The following TRIM71 variants were observed in gnomAD, a reference collection of about 807,000 sequenced individuals.
TRIM71 encodes E3 ubiquitin-protein ligase TRIM71.
A neutral mutation model predicts 61.2 loss-of-function variants in TRIM71; 9 were observed. The ratio of observed to expected loss-of-function variants is 0.15; its 90% CI spans 0.09 to 0.26. The LOEUF is 0.26. Ranked by LOEUF, TRIM71 falls within the 10% of genes least tolerant of loss-of-function variation. The probability of loss-of-function intolerance (pLI) is 1.00; values close to 1 mark genes in which losing one functional copy is unlikely to be tolerated. For missense variants in TRIM71, 998 were observed against 1,238.7 expected, an observed-to-expected ratio of 0.81 and a Z score of 2.92; for synonymous variants, 645 against 553.2, an observed-to-expected ratio of 1.17 and a Z score of -2.33.
intron 1 of TRIM71, among the ~76,000 whole-genome samples, chr3:32,844,874 G>T (rs966606077): frequency 2.6e-5 from 4 of 152,116 alleles, no homozygotes; most frequent in African/African-American, 9.7e-5. Context: ...AAGCCATTCC[G>T]TACTTCCAAA....
intron 1 of TRIM71, among the ~76,000 whole-genome samples, chr3:32,831,027 G>A (rs1476680463): frequency 6.6e-6 from 1 of 152,164 alleles, no homozygotes; most frequent in Non-Finnish European, 1.5e-5. Context: ...GGCCAGGCTG[G>A]TCTCAGGTAA....
chr3:32,831,538 T>C (rs1370601665), intron 1 of TRIM71, among the ~76,000 whole-genome samples: 2 of 19,198 alleles, frequency 1.0e-4, no homozygotes, highest in Non-Finnish European at 3.1e-4. Flanking sequence ...TTATCTTCCT[T>C]TTTTTTTTTT....
At chr3:32,845,516 TTGGGGGTTACTC>T (rs1696460615) in intron 1 of TRIM71, among the ~76,000 whole-genome samples, 1 of 152,130 alleles carries the variant, frequency 6.6e-6, no homozygotes, top group Non-Finnish European at 1.5e-5. Context: ...AGTCTTCAGT[TTGGGGGTTACTC>T]TGGGGGTTAC....
At chr3:32,864,984 C>T (rs1024580128) in intron 1 of TRIM71, among the ~76,000 whole-genome samples, 9 of 151,920 alleles carry the variant, frequency 5.9e-5, no homozygotes, top group African/African-American at 1.9e-4. Flanking sequence ...CCTTTTACCT[C>T]GACCTCTGCC....
intron 1 of TRIM71, among the ~76,000 whole-genome samples, chr3:32,822,545 C>A (rs536169799): frequency 1.6e-4 from 25 of 152,136 alleles, no homozygotes; most frequent in African/African-American, 4.1e-4. Context: ...TATTTTAAGT[C>A]ATATTGTAAA....
At chr3:32,856,610 C>T in intron 1 of TRIM71, among the ~76,000 whole-genome samples, 1 of 152,214 alleles carries the variant, frequency 6.6e-6, no homozygotes, top group East Asian at 1.9e-4. Flanking sequence ...AGTGGAGTCA[C>T]TGGCCTCCTG....
At chr3:32,863,264 G>A (rs916748104) in intron 1 of TRIM71, among the ~76,000 whole-genome samples, 11 of 143,462 alleles carry the variant, frequency 7.7e-5, no homozygotes, top group Middle Eastern at 3.9e-3. Flanking sequence ...GGCTGACTGC[G>A]GTGGTGCATA....
intron 3 of TRIM71, among the ~76,000 whole-genome samples, chr3:32,886,286 G>A (rs1469283480): frequency 2.0e-5 from 3 of 152,208 alleles, no homozygotes; most frequent in South Asian, 2.1e-4. Flanking sequence ...TCAGAAGTAC[G>A]TGGGTAACCA....
At chr3:32,885,322 C>T (rs752669370) in intron 2 of TRIM71, among the ~76,000 whole-genome samples, 4 of 152,192 alleles carry the variant, frequency 2.6e-5, no homozygotes, top group African/African-American at 7.2e-5. Context: ...TGATTTACTA[C>T]GGCTGGTACA....
At chr3:32,867,137 C>T (rs1393796068) in intron 1 of TRIM71, among the ~76,000 whole-genome samples, 1 of 152,078 alleles carries the variant, frequency 6.6e-6, no homozygotes, top group Non-Finnish European at 1.5e-5. Context: ...TCTGACCCCA[C>T]TGCAGATTGT....
intron 1 of TRIM71, 60 bp from the exon 2 acceptor site, chr3:32,873,758 T>C (rs199998622): frequency 6.9e-4 from 957 of 1,395,962 alleles, no homozygotes; most frequent in Non-Finnish European, 8.6e-4. Context: ...CCAGTTGCTG[T>C]CTTCCCTCCT....
chr3:32,890,911 G>A lies in TRIM71; in HGVS notation c.1707G>A (p.Gln569=). Residue 569 remains glutamine, a synonymous_variant, in exon 4 of 4, where the codon CAG becomes CAA. Coordinates refer to ENST00000383763, the MANE Select transcript of TRIM71 (RefSeq NM_001039111.3). This position sits in a 1 kb window ranked among gnomAD's most constrained non-coding sequence, Gnocchi z 6.2. ...TGGTATCTGTGACACTGTGCAACCA[G>A]CACATTGAGAACAGCCCTTTCAAGG... ...EHLVSVTLCN[Q]HIENSPFKVV... 1 of 1,614,214 alleles carries A rather than the reference G, an allele frequency of 6.2e-7. No individual in the cohort carries two copies. Among genetic ancestry groups the A allele is most frequent in the Non-Finnish European group, 8.5e-7 (1 of 1,180,044 alleles).
At chr3:32,837,202 G>A (rs1422423707) in intron 1 of TRIM71, among the ~76,000 whole-genome samples, 3 of 152,148 alleles carry the variant, frequency 2.0e-5, no homozygotes, top group Admixed American at 1.3e-4. Context: ...CCATCTTTAT[G>A]ACTGTCTGTA....
At chr3:32,878,089 G>A (rs1042652847) in intron 2 of TRIM71, among the ~76,000 whole-genome samples, 14 of 152,184 alleles carry the variant, frequency 9.2e-5, no homozygotes, top group Admixed American at 2.6e-4. Context: ...AGTAGCTATC[G>A]CCTTACGAAG....
At position 32,884,379 on chromosome 3, in the gene TRIM71, T is replaced by G. The variant is rs1013318028; in HGVS notation, c.1021-1555T>G. On this transcript the variant is annotated intron_variant, in intron 2 of 3. Transcript: ENST00000383763. The stretch of plus-strand genomic sequence containing the variant: ...CATAAAAATAAGGTAGATCGTGTAT[T>G]GTATGATGATGCCATCTATATGAAA... Among the ~76,000 whole-genome samples the G allele has an allele frequency of 3.3e-5, 5 of 152,126 alleles. No homozygotes were observed. In the East Asian group the frequency reaches 9.7e-4, roughly 29 times the overall value.
intron 3 of TRIM71, 133 bp downstream of exon 3, chr3:32,886,201 C>A: frequency 8.0e-7 from 1 of 1,244,554 alleles, no homozygotes; most frequent in Non-Finnish European, 1.1e-6. Context: ...TTCCAGAAAG[C>A]CTGTTAGCAG....
At chr3:32,833,736 A>G (rs536708794) in intron 1 of TRIM71, among the ~76,000 whole-genome samples, 14 of 151,428 alleles carry the variant, frequency 9.2e-5, no homozygotes, top group East Asian at 3.9e-4. Context: ...TTGTTTGAGA[A>G]TCAAATGAAA....
chr3:32,874,044 G>A, intron 2 of TRIM71, 59 bp downstream of exon 2: 2 of 1,526,678 alleles, frequency 1.3e-6, no homozygotes, highest in Middle Eastern at 1.9e-4. Context: ...TTTCTGTCGG[G>A]TGGCATGGAC....
intron 1 of TRIM71, among the ~76,000 whole-genome samples, chr3:32,855,727 G>A (rs1404755929): frequency 6.6e-6 from 1 of 152,120 alleles, no homozygotes; most frequent in Non-Finnish European, 1.5e-5. Context: ...GAGGAGGAAG[G>A]ATCTCAGAGA....
Sources: gnomAD v4.1 joint callset for allele counts (sites outside exome capture counted in the v4.1 genomes callset) on GRCh38, gnomAD v4.1.1 for gene constraint, Gnocchi (gnomAD v3.1) non-coding constraint, MANE v1.5 for transcripts, NCBI Gene and HGNC (gene_info 2026-07-23, HGNC 2026-07-21) for gene names.